Variants in NCAM2 observed in about 807,000 individuals in gnomAD.
NCAM2 encodes neural cell adhesion molecule 2.
In NCAM2, 30 loss-of-function variants were observed where a neutral mutation model predicts 98.1. The observed-to-expected ratio is 0.31, with a 90% CI of 0.23 to 0.41. The LOEUF is 0.41. Among genes scored for constraint, NCAM2 ranks in the 10% least tolerant of loss-of-function variants. The pLI, the probability that NCAM2 is intolerant of heterozygous loss-of-function variation, is 1.00. For synonymous variants in NCAM2, 368 were observed against 342.4 expected, an observed-to-expected ratio of 1.07 and a Z score of -0.83; for missense variants, 867 against 1,005.8, an observed-to-expected ratio of 0.86 and a Z score of 1.87.
intron 1 of NCAM2, among the ~76,000 whole-genome samples, chr21:21,226,014 G>T (rs1226143188): frequency 1.3e-5 from 2 of 152,042 alleles, no homozygotes; most frequent in African/African-American, 2.4e-5. Flanking sequence ...TGGCAACATG[G>T]ATGCAGCTGG....
At chr21:21,317,964 CT>C (rs1250253443) in intron 5 of NCAM2, among the ~76,000 whole-genome samples, 3 of 152,180 alleles carry the variant, frequency 2.0e-5, no homozygotes, top group Non-Finnish European at 4.4e-5. Context: ...TGCAATCAGT[CT>C]TTCCTGATAT....
intron 1 of NCAM2, among the ~76,000 whole-genome samples, chr21:21,230,253 T>G (rs146153201): frequency 6.6e-6 from 1 of 151,462 alleles, no homozygotes; most frequent in East Asian, 1.9e-4. Context: ...GCAATCATTT[T>G]TCTATATTCA....
At chr21:21,257,284 G>C (rs961912446) in intron 1 of NCAM2, among the ~76,000 whole-genome samples, 5 of 152,160 alleles carry the variant, frequency 3.3e-5, no homozygotes, top group African/African-American at 1.2e-4. Flanking sequence ...AGTAATCATA[G>C]AATTGACAGC....
intron 1 of NCAM2, among the ~76,000 whole-genome samples, chr21:21,184,614 A>G (rs1055138810): frequency 6.6e-6 from 1 of 152,126 alleles, no homozygotes; most frequent in African/African-American, 2.4e-5. Flanking sequence ...ACTAATCCAG[A>G]CCTCTATAGC....
At chr21:21,212,054 G>T (rs548604249) in intron 1 of NCAM2, among the ~76,000 whole-genome samples, 2 of 152,250 alleles carry the variant, frequency 1.3e-5, no homozygotes, top group African/African-American at 4.8e-5. Context: ...TTTCGTGCTT[G>T]GGCATGTATT....
chr21:21,091,139 G>A (rs1247507480), intron 1 of NCAM2, among the ~76,000 whole-genome samples: 1 of 152,126 alleles, frequency 6.6e-6, no homozygotes, highest in African/African-American at 2.4e-5. Flanking sequence ...TCAATACTGT[G>A]TGTTGCATGA....
intron 1 of NCAM2, among the ~76,000 whole-genome samples, chr21:21,172,180 T>C (rs1195705913): frequency 6.6e-6 from 1 of 151,992 alleles, no homozygotes; most frequent in Non-Finnish European, 1.5e-5. Flanking sequence ...GGAATGACAA[T>C]ATCATCAGTT....
In NCAM2 at chr21:21,024,641, C is replaced by T. The variant is rs573552784; in HGVS notation, c.55+26023C>T. On this transcript the variant is annotated intron_variant, in intron 1 of 17. Transcript: ENST00000400546. ...CCTGTAATCCTAGCACTTTGGGAGG[C>T]CGAGGCGGATGATAACCTCAGGTCA... Among the ~76,000 whole-genome samples the T allele has an allele frequency of 3.9e-5, 6 of 152,232 alleles. No homozygotes were observed. The East Asian group carries it at 9.7e-4, about 25-fold the overall frequency.
chr21:21,390,880 C>T lies in NCAM2; in HGVS notation c.1195+16867C>T, dbSNP rs145176648. Among the ~76,000 whole-genome samples the T allele has an allele frequency of 1.1e-4, 17 of 152,232 alleles. No homozygotes were observed. The East Asian group carries it at 3.3e-3, about 29-fold the overall frequency. ...GTGCCTAGTTTTAAAATAGTATTCA[C>T]CTTTGTGAAAATATGCACACCTATA... On this transcript the variant is annotated intron_variant, in intron 9 of 17. Transcript: ENST00000400546.
intron 9 of NCAM2, among the ~76,000 whole-genome samples, chr21:21,405,628 G>C (rs551671962): frequency 6.6e-6 from 1 of 152,036 alleles, no homozygotes; most frequent in Non-Finnish European, 1.5e-5. Flanking sequence ...TTTTAATGCA[G>C]AAGTTTACTT....
At position 21,278,478 on chromosome 21, in the gene NCAM2, C is replaced by A. The variant is rs2072811509; in HGVS notation, c.56-2100C>A. 2.6e-5 allele frequency among the ~76,000 whole-genome samples: 4 copies of A among 152,220 alleles called. No homozygotes were observed. The South Asian group carries it at 8.3e-4, about 32-fold the overall frequency. ...ATGGTTTATCTACAAGAAAAGTAGG[C>A]AAGGGAGAAAAAGAGAGTACCTAAA... On this transcript the variant is annotated intron_variant, in intron 1 of 17. Transcript: ENST00000400546.
At chr21:21,006,902 T>C (rs890455843) in intron 1 of NCAM2, among the ~76,000 whole-genome samples, 2 of 152,182 alleles carry the variant, frequency 1.3e-5, no homozygotes, top group Non-Finnish European at 2.9e-5. Context: ...TGATAGAGGG[T>C]GCAAAAGCTA....
intron 1 of NCAM2, among the ~76,000 whole-genome samples, chr21:21,123,708 A>G (rs1156313056): frequency 1.3e-5 from 2 of 152,154 alleles, no homozygotes; most frequent in East Asian, 3.9e-4. Context: ...AGGAGGTAAT[A>G]TAAATTAGGT....
chr21:21,036,696 A>G (rs1368241232), intron 1 of NCAM2, among the ~76,000 whole-genome samples: 2 of 152,162 alleles, frequency 1.3e-5, no homozygotes, highest in Non-Finnish European at 2.9e-5. Context: ...CTTGGGACCA[A>G]GTTTCCCTGG....
rs940348865 is a variant in NCAM2, at chr21:21,256,380, TA to T, written c.56-24197del. ...TCTCAAATAATAATAATGATGATAATAGTAATATTTCTAATTACTAGCCTAG... is the reference window on the plus strand; with the variant it reads ...TCTCAAATAATAATAATGATGATAATGTAATATTTCTAATTACTAGCCTAG... On this transcript the variant is annotated intron_variant, in intron 1 of 17. Transcript: ENST00000400546. 3.3e-5 allele frequency among the ~76,000 whole-genome samples: 5 copies of T among 152,208 alleles called. No individual in the cohort carries two copies. In the East Asian group the frequency reaches 9.7e-4, roughly 29 times the overall value.
At chr21:21,532,694 CA>C (rs1161822531) in intron 16 of NCAM2, among the ~76,000 whole-genome samples, 1 of 152,058 alleles carries the variant, frequency 6.6e-6, no homozygotes, top group Admixed American at 6.6e-5. Flanking sequence ...CACATTTCCA[CA>C]AATAGTATAC....
intron 2 of NCAM2, 21 bp from the exon 3 acceptor site, chr21:21,284,173 A>G: frequency 5.1e-6 from 8 of 1,580,350 alleles, no homozygotes; most frequent in Non-Finnish European, 7.0e-6. Context: ...TCAAACCTTT[A>G]TTTTCCATGG....
intron 1 of NCAM2, among the ~76,000 whole-genome samples, chr21:21,033,581 C>T (rs913164730): frequency 6.6e-5 from 10 of 151,962 alleles, no homozygotes; most frequent in African/African-American, 9.7e-5. Context: ...AAAACAATGG[C>T]GTGAGACCAA....
intron 1 of NCAM2, among the ~76,000 whole-genome samples, chr21:21,208,768 T>G (rs774372373): frequency 7.9e-5 from 12 of 152,186 alleles, no homozygotes; most frequent in Non-Finnish European, 1.5e-5. Context: ...TAAGTGACAA[T>G]TTAATTCTTA....
Sources: allele counts gnomAD v4.1 joint callset (sites outside exome capture counted in the v4.1 genomes callset), GRCh38; gene constraint gnomAD v4.1.1; transcripts MANE v1.5; gene names NCBI Gene and HGNC (gene_info 2026-07-23, HGNC 2026-07-21).